Variants in GUCY1A2 observed in about 807,000 individuals in gnomAD.
GUCY1A2 encodes the protein guanylate cyclase 1 soluble subunit alpha 2.
GUCY1A2 carries 27 observed loss-of-function variants against 63.5 expected under a neutral mutation model. That is an observed-to-expected ratio of 0.43 (90% CI 0.31 to 0.59). GUCY1A2 has a LOEUF of 0.59. GUCY1A2 is among the 20% of genes least tolerant of loss of function. The pLI is 0.11. For missense variants in GUCY1A2, 768 were observed against 913.3 expected, an observed-to-expected ratio of 0.84 and a Z score of 2.05; for synonymous variants, 364 against 343.5, an observed-to-expected ratio of 1.06 and a Z score of -0.66.
intron 6 of GUCY1A2, among the ~76,000 whole-genome samples, chr11:106,721,437 A>G (rs1199116618): frequency 6.6e-6 from 1 of 152,244 alleles, no homozygotes; most frequent in Non-Finnish European, 1.5e-5. Context: ...GAAATAAAAT[A>G]ATTGAAAATG....
intron 7 of GUCY1A2, among the ~76,000 whole-genome samples, chr11:106,701,902 C>T (rs1386050627): frequency 2.0e-5 from 3 of 152,216 alleles, no homozygotes; most frequent in Middle Eastern, 6.8e-3. Flanking sequence ...TAAACATGTA[C>T]TATAATGTGT....
chr11:106,850,297 CAG>C (rs1859334789), intron 4 of GUCY1A2, among the ~76,000 whole-genome samples: 1 of 151,720 alleles, frequency 6.6e-6, no homozygotes, highest in South Asian at 2.1e-4. Context: ...ATGATCAAAT[CAG>C]GGTAACAAGT....
At chr11:106,898,376 C>T (rs1029609718) in intron 4 of GUCY1A2, among the ~76,000 whole-genome samples, 4 of 152,186 alleles carry the variant, frequency 2.6e-5, no homozygotes, top group Non-Finnish European at 5.9e-5. Flanking sequence ...AACATGTATG[C>T]ACACAAAAAC....
rs1018439877 is a variant in GUCY1A2, at chr11:106,678,977, G to A, written c.*8572C>T. ...TATCATCAGAGGATAAAACTCTAAGGAACCTAGAAACAACATTAATTGAAT... is the reference window on the plus strand; with the variant it reads ...TATCATCAGAGGATAAAACTCTAAGAAACCTAGAAACAACATTAATTGAAT... On this transcript the variant is annotated 3_prime_UTR_variant, in exon 8 of 8. Coordinates refer to ENST00000526355, the MANE Select transcript of GUCY1A2 (RefSeq NM_000855.3). 5.3e-6 allele frequency: 1 copy of A among 189,176 alleles called. No individual in the cohort carries two copies. Among genetic ancestry groups the A allele is most frequent in the Admixed American group, 6.2e-5 (1 of 16,198 alleles). 11.7% of individuals were successfully genotyped at this position (189,176 alleles called of 1,614,324 possible).
chr11:106,973,328 T>C (rs980378278), intron 3 of GUCY1A2, among the ~76,000 whole-genome samples: 1 of 152,106 alleles, frequency 6.6e-6, no homozygotes, highest in Non-Finnish European at 1.5e-5. Context: ...GTGTTTACTA[T>C]AGCATAGCTA....
At chr11:106,950,166 G>T (rs896873567) in intron 3 of GUCY1A2, among the ~76,000 whole-genome samples, 1 of 152,186 alleles carries the variant, frequency 6.6e-6, no homozygotes, top group East Asian at 1.9e-4. Context: ...GTGCTAAGAA[G>T]GGGACAGGTT....
intron 2 of GUCY1A2, among the ~76,000 whole-genome samples, chr11:106,982,844 T>TCA (rs1268181090): frequency 6.6e-6 from 1 of 152,138 alleles, no homozygotes; most frequent in Non-Finnish European, 1.5e-5. Flanking sequence ...AGAGGCCAGA[T>TCA]CACAGAAAGA....
chr11:106,698,138 T>TTTTTTTTA (rs1555020237), intron 7 of GUCY1A2, among the ~76,000 whole-genome samples: 17 of 145,784 alleles, frequency 1.2e-4, no homozygotes, highest in Non-Finnish European at 2.1e-4. Flanking sequence ...TTTTTTTTTT[T>TTTTTTTTA]AGACAGGGTC....
intron 5 of GUCY1A2, among the ~76,000 whole-genome samples, chr11:106,783,084 G>A (rs1305197031): frequency 6.6e-6 from 1 of 152,158 alleles, no homozygotes; most frequent in East Asian, 1.9e-4. Flanking sequence ...CGTTGTTCCT[G>A]AGGTTGCGGT....
intron 4 of GUCY1A2, among the ~76,000 whole-genome samples, chr11:106,910,567 C>T (rs981195279): frequency 1.3e-5 from 2 of 152,034 alleles, no homozygotes; most frequent in Non-Finnish European, 2.9e-5. Flanking sequence ...ATTCATTCCC[C>T]GCTTCTTTCT....
At chr11:107,002,818 G>A (rs961721428) in intron 1 of GUCY1A2, among the ~76,000 whole-genome samples, 1 of 152,110 alleles carries the variant, frequency 6.6e-6, no homozygotes, top group Non-Finnish European at 1.5e-5. Flanking sequence ...AAAATTACTG[G>A]CCAATGACTA....
chr11:106,817,753 C>T (rs1858850796), intron 4 of GUCY1A2, among the ~76,000 whole-genome samples: 1 of 151,978 alleles, frequency 6.6e-6, no homozygotes, highest in African/African-American at 2.4e-5. Flanking sequence ...AAATGTCCAA[C>T]ATCACTAATC....
intron 7 of GUCY1A2, among the ~76,000 whole-genome samples, chr11:106,692,818 T>C (rs1862648256): frequency 6.6e-6 from 1 of 152,108 alleles, no homozygotes; most frequent in African/African-American, 2.4e-5. Context: ...TTGCTGAAAA[T>C]GTCTTTCCAT....
At chr11:106,826,428 T>C (rs2135433665) in intron 4 of GUCY1A2, 3 of 1,565,804 alleles carry the variant, frequency 1.9e-6, no homozygotes, top group Middle Eastern at 1.7e-4. Flanking sequence ...TATTTGGATC[T>C]AGCAGATCTT....
At chr11:106,982,994 G>A (rs907953992) in intron 2 of GUCY1A2, among the ~76,000 whole-genome samples, 1 of 152,160 alleles carries the variant, frequency 6.6e-6, no homozygotes, top group African/African-American at 2.4e-5. Context: ...TCTGAACCTA[G>A]GAAATCAGAA....
intron 6 of GUCY1A2, among the ~76,000 whole-genome samples, chr11:106,739,776 A>G (rs1013461372): frequency 5.9e-5 from 9 of 152,226 alleles, no homozygotes; most frequent in African/African-American, 2.2e-4. Context: ...ATGGTGAACC[A>G]TAAGATATCC....
intron 4 of GUCY1A2, among the ~76,000 whole-genome samples, chr11:106,861,222 G>C (rs934102316): frequency 6.6e-6 from 1 of 151,920 alleles, no homozygotes; most frequent in Admixed American, 6.6e-5. Flanking sequence ...CATACTCTTA[G>C]AGCTAATCTA....
At chr11:106,840,970 A>T (rs1859189025) in intron 4 of GUCY1A2, among the ~76,000 whole-genome samples, 1 of 152,000 alleles carries the variant, frequency 6.6e-6, no homozygotes, top group Admixed American at 6.6e-5. Flanking sequence ...CAAATTTTAT[A>T]TTCATAATTT....
intron 6 of GUCY1A2, 44 bp downstream of exon 6, chr11:106,776,395 T>C (rs1322000674): frequency 2.4e-5 from 35 of 1,480,438 alleles, no homozygotes; most frequent in Non-Finnish European, 2.9e-5. Context: ...CTCCTCCAGT[T>C]AATGGTGCAC....
Sources: allele counts gnomAD v4.1 joint callset (sites outside exome capture counted in the v4.1 genomes callset), GRCh38; gene constraint gnomAD v4.1.1; transcripts MANE v1.5; gene names NCBI Gene and HGNC (gene_info 2026-07-23, HGNC 2026-07-21).